EPM2A: variants seen among roughly 807,000 people sequenced by gnomAD.
The protein encoded by EPM2A is laforin.
Under a neutral mutation model 26.5 loss-of-function variants are expected in EPM2A, and 21 were observed. The ratio of observed to expected loss-of-function variants is 0.79; its 90% confidence interval spans 0.56 to 1.14. The LOEUF (loss-of-function observed/expected upper bound fraction) is 1.14. Among genes scored for constraint, EPM2A ranks in the 50% most tolerant of loss-of-function variants. EPM2A has a pLI of 0.00. For synonymous variants in EPM2A, 217 were observed against 177.6 expected (o/e 1.22, Z -1.76); for missense variants, 458 against 440.8 (o/e 1.04, Z -0.35).
chr6:145,446,895 C>T (rs1023998143), intron 4 of EPM2A, among the ~76,000 whole-genome samples: 4 of 151,978 alleles, frequency 2.6e-5, no homozygotes, highest in African/African-American at 2.4e-5. Context: ...TTCTTTGATG[C>T]TTTCATATAG....
At chr6:145,591,272 T>C (rs962329965) in intron 2 of EPM2A, among the ~76,000 whole-genome samples, 3 of 151,542 alleles carry the variant, frequency 2.0e-5, no homozygotes, top group African/African-American at 7.3e-5. Flanking sequence ...GCAAAATAAA[T>C]AAAAAAAACT....
intron 2 of EPM2A, among the ~76,000 whole-genome samples, chr6:145,603,165 G>T (rs1781438165): frequency 6.6e-6 from 1 of 152,096 alleles, no homozygotes; most frequent in South Asian, 2.1e-4. Context: ...ATCTGCTGAG[G>T]TCGCCCAGTG....
intron 2 of EPM2A, among the ~76,000 whole-genome samples, chr6:145,532,102 T>G (rs748048302): frequency 2.0e-5 from 3 of 152,292 alleles, no homozygotes. Context: ...ATGATTGTCT[T>G]ATGTTATTTG....
intron 2 of EPM2A, among the ~76,000 whole-genome samples, chr6:145,603,441 G>T (rs1781442856): frequency 6.6e-6 from 1 of 152,056 alleles, no homozygotes; most frequent in African/African-American, 2.4e-5. Context: ...ACTCATTTCA[G>T]TTTTATTGCA....
intron 4 of EPM2A, among the ~76,000 whole-genome samples, chr6:145,413,023 C>T (rs1054809199): frequency 2.0e-5 from 3 of 152,090 alleles, no homozygotes; most frequent in African/African-American, 7.2e-5. Flanking sequence ...TGACAAAAGG[C>T]AGGATTTGCT....
At chr6:145,638,192 T>A (rs1776837113) in intron 2 of EPM2A, 1 of 152,210 alleles carries the variant, frequency 6.6e-6, no homozygotes, top group Non-Finnish European at 1.5e-5. Flanking sequence ...CTAGTTAGTA[T>A]TTCGCTAGTC....
intron 4 of EPM2A, among the ~76,000 whole-genome samples, chr6:145,444,115 T>C (rs768128431): frequency 3.9e-5 from 6 of 152,212 alleles, no homozygotes; most frequent in Non-Finnish European, 7.3e-5. Flanking sequence ...TTCTTTAGCT[T>C]GCCTGACTGC....
intron 4 of EPM2A, among the ~76,000 whole-genome samples, chr6:145,468,309 C>G (rs1779426793): frequency 1.3e-5 from 2 of 152,166 alleles, no homozygotes; most frequent in South Asian, 2.1e-4. Flanking sequence ...CTTCAAATCA[C>G]TTTAATCGCC....
At chr6:145,530,436 G>A (rs968668612) in intron 2 of EPM2A, among the ~76,000 whole-genome samples, 11 of 152,130 alleles carry the variant, frequency 7.2e-5, no homozygotes, top group Non-Finnish European at 1.6e-4. Context: ...TAGGCACTGG[G>A]GGTGCATAGC....
At chr6:145,720,371 A>G (rs965094372) in intron 1 of EPM2A, among the ~76,000 whole-genome samples, 2 of 152,206 alleles carry the variant, frequency 1.3e-5, no homozygotes, top group Non-Finnish European at 2.9e-5. Flanking sequence ...TCCATTTACA[A>G]GCAATACTCA....
intron 1 of EPM2A, among the ~76,000 whole-genome samples, chr6:145,725,175 T>C (rs1456433316): frequency 6.6e-6 from 1 of 152,020 alleles, no homozygotes; most frequent in East Asian, 1.9e-4. Flanking sequence ...TATATACAGA[T>C]GGCAAATAAG....
intron 2 of EPM2A, among the ~76,000 whole-genome samples, chr6:145,549,658 AG>A (rs1286546174): frequency 6.6e-6 from 1 of 152,168 alleles, no homozygotes; most frequent in Non-Finnish European, 1.5e-5. Context: ...ATGGTAGCAG[AG>A]CTGAGCATAG....
At chr6:145,391,303 A>G (rs1378819657) in intron 4 of EPM2A, among the ~76,000 whole-genome samples, 1 of 152,182 alleles carries the variant, frequency 6.6e-6, no homozygotes. Flanking sequence ...TGCAGTTTCA[A>G]TACAGCAGCT....
rs1209303919 is a variant in EPM2A at position 145,429,893 on chromosome 6, G to A, written c.556-45796C>T. Among the ~76,000 whole-genome samples the A allele has an allele frequency of 2.0e-5, 3 of 152,128 alleles. No individual in the cohort carries two copies. In the East Asian group the frequency reaches 5.8e-4, roughly 29 times the overall value. The stretch of plus-strand genomic sequence containing the variant: ...GTGACTAGTAGAATTCTTCTATGCA[G>A]GTTAAAAAGATGTTTGAAGGAGGCC... On this transcript the variant is annotated intron_variant, in intron 4 of 4. Coordinates refer to the EPM2A transcript ENST00000638717.
At chr6:145,568,322 CTTTT>C (rs35034106) in intron 2 of EPM2A, among the ~76,000 whole-genome samples, 4 of 140,068 alleles carry the variant, frequency 2.9e-5, no homozygotes, top group Non-Finnish European at 3.1e-5. Context: ...GGACATCTGA[CTTTT>C]TTTTTTTTTT....
chr6:145,436,339 A>G (rs1778988229), intron 4 of EPM2A, among the ~76,000 whole-genome samples: 1 of 152,218 alleles, frequency 6.6e-6, no homozygotes, highest in Non-Finnish European at 1.5e-5. Context: ...TATCTTTTCA[A>G]TTCCCTTAGA....
chr6:145,528,485 T>C (rs995491373), intron 2 of EPM2A, among the ~76,000 whole-genome samples: 1 of 152,172 alleles, frequency 6.6e-6, no homozygotes, highest in Non-Finnish European at 1.5e-5. Flanking sequence ...CAGAATTATG[T>C]TAATTCTCTG....
chr6:145,648,300 G>A (rs1043962528), intron 2 of EPM2A, among the ~76,000 whole-genome samples: 12 of 152,180 alleles, frequency 7.9e-5, no homozygotes, highest in Non-Finnish European at 1.8e-4. Context: ...GAGATTCATA[G>A]CAACCTAACA....
chr6:145,428,708 A>G (rs1778884273), intron 4 of EPM2A, among the ~76,000 whole-genome samples: 1 of 152,232 alleles, frequency 6.6e-6, no homozygotes, highest in Admixed American at 6.5e-5. Flanking sequence ...AGATGGTTAC[A>G]TGTCGTTTTG....
Sources: allele counts gnomAD v4.1 joint callset (sites outside exome capture counted in the v4.1 genomes callset), GRCh38; gene constraint gnomAD v4.1.1; transcripts MANE v1.5; gene names NCBI Gene and HGNC (gene_info 2026-07-23, HGNC 2026-07-21).